ARHGAP6: variants seen among roughly 807,000 people sequenced by gnomAD.
The protein encoded by ARHGAP6 is rho GTPase-activating protein 6.
In ARHGAP6, 16 loss-of-function variants were observed where a neutral mutation model predicts 55.7. The observed-to-expected ratio is 0.29, with a 90% confidence interval of 0.19 to 0.44. The LOEUF (loss-of-function observed/expected upper bound fraction) is 0.44, where lower values mean the gene tolerates loss of function less well. ARHGAP6 is among the 20% of genes least tolerant of loss of function. The pLI is 1.00. For missense variants in ARHGAP6, 698 were observed against 808.9 expected (o/e 0.86, Z 1.66); for synonymous variants, 382 against 360.9 (o/e 1.06, Z -0.66).
rs191416881 is a variant in ARHGAP6 at position 11,382,561 on chromosome X, C to G, written c.589-127854G>C. Among the ~76,000 whole-genome samples the G allele has an allele frequency of 7.2e-5, 8 of 111,703 alleles. No homozygotes were observed. The East Asian group carries it at 1.4e-3, about 19-fold the overall frequency. On this transcript the variant is annotated intron_variant, in intron 1 of 12. Coordinates refer to ENST00000337414, the MANE Select transcript of ARHGAP6 (RefSeq NM_013427.3). ...CAGAATTTTTTCTTATTACAATCCACTCTTTATAATTTTGTCTATCGTTGC... is the reference window on the plus strand; with the variant it reads ...CAGAATTTTTTCTTATTACAATCCAGTCTTTATAATTTTGTCTATCGTTGC...
chrX:11,182,572 T>G (rs2046327706), intron 5 of ARHGAP6, among the ~76,000 whole-genome samples: 1 of 110,727 alleles, frequency 9.0e-6, no homozygotes, highest in African/African-American at 3.3e-5. Context: ...TAGAAATACC[T>G]GATGCAGAAA....
intron 2 of ARHGAP6, among the ~76,000 whole-genome samples, chrX:11,211,735 G>T (rs943214808): frequency 1.8e-5 from 2 of 109,849 alleles, no homozygotes; most frequent in Non-Finnish European, 3.8e-5. Context: ...GTAGATAGCA[G>T]GTTTCACCAT....
intron 1 of ARHGAP6, among the ~76,000 whole-genome samples, chrX:11,276,786 T>C (rs1162648872): frequency 8.9e-6 from 1 of 112,536 alleles, no homozygotes; most frequent in Non-Finnish European, 1.9e-5. Flanking sequence ...ACTTTTGCTC[T>C]GATGTATAGA....
At chrX:11,540,779 C>T (rs1348281468) in intron 1 of ARHGAP6, among the ~76,000 whole-genome samples, 2 of 112,539 alleles carry the variant, frequency 1.8e-5, no homozygotes, top group East Asian at 2.8e-4. Context: ...AATCATAGGG[C>T]GTTGGAAGTA....
At chrX:11,552,597 T>G (rs866327109) in intron 1 of ARHGAP6, among the ~76,000 whole-genome samples, 797 of 59,696 alleles carry the variant, frequency 0.013, 5 homozygotes, top group Middle Eastern at 0.023. Flanking sequence ...TATATATATA[T>G]ATAGACACAC....
chrX:11,661,135 T>C (rs2052698733), intron 1 of ARHGAP6, among the ~76,000 whole-genome samples: 1 of 112,621 alleles, frequency 8.9e-6, no homozygotes. Context: ...CCAGGTTAGC[T>C]ATGGACATAA....
intron 1 of ARHGAP6, among the ~76,000 whole-genome samples, chrX:11,321,164 T>C (rs1425225862): frequency 8.9e-6 from 1 of 112,184 alleles, no homozygotes; most frequent in East Asian, 2.8e-4. Flanking sequence ...GTAAGCGGTG[T>C]TTTTAATGTT....
intron 10 of ARHGAP6, among the ~76,000 whole-genome samples, chrX:11,145,927 A>T (rs140822210): frequency 0.023 from 2,576 of 111,690 alleles, 72 homozygotes; most frequent in African/African-American, 0.08. Flanking sequence ...ATGTTTGGGA[A>T]CCTCTAATAA....
intron 1 of ARHGAP6, among the ~76,000 whole-genome samples, chrX:11,448,359 A>T (rs1036638377): frequency 1.8e-5 from 2 of 111,393 alleles, no homozygotes; most frequent in Admixed American, 9.6e-5. Context: ...CTCCTTCCTC[A>T]AGTTGGATGG....
chrX:11,298,551 C>G, intron 1 of ARHGAP6: 1 of 1,211,384 alleles, frequency 8.3e-7, no homozygotes, highest in Non-Finnish European at 1.1e-6. Context: ...TCACCAGTAC[C>G]CTTCCTATGG....
At chrX:11,622,723 G>A (rs1335621754) in intron 1 of ARHGAP6, among the ~76,000 whole-genome samples, 6 of 111,303 alleles carry the variant, frequency 5.4e-5, no homozygotes, top group Admixed American at 9.5e-5. Context: ...TCTTTAAGCT[G>A]TACTATTTAG....
At chrX:11,645,084 C>T (rs1180496988) in intron 1 of ARHGAP6, among the ~76,000 whole-genome samples, 1 of 111,607 alleles carries the variant, frequency 9.0e-6, no homozygotes, top group African/African-American at 3.2e-5. Context: ...AAGCCAGTCT[C>T]AAAAGGCTAA....
intron 1 of ARHGAP6, among the ~76,000 whole-genome samples, chrX:11,649,299 C>T (rs754910408): frequency 1.8e-5 from 2 of 111,856 alleles, no homozygotes. Flanking sequence ...GCCAAGTGAG[C>T]GAGCCCAGCC....
At chrX:11,351,014 C>G (rs754630056) in intron 1 of ARHGAP6, among the ~76,000 whole-genome samples, 161 of 107,283 alleles carry the variant, frequency 1.5e-3, no homozygotes, top group Middle Eastern at 4.7e-3. Context: ...CTTGGGGTAA[C>G]AAACACCCCC....
chrX:11,464,535 AC>A (rs920217791), intron 1 of ARHGAP6, among the ~76,000 whole-genome samples: 1 of 112,510 alleles, frequency 8.9e-6, no homozygotes, highest in African/African-American at 3.2e-5. Context: ...ATAAAGATTA[AC>A]AAACCTTGGC....
chrX:11,371,712 T>A (rs780950108), intron 1 of ARHGAP6, among the ~76,000 whole-genome samples: 2 of 112,245 alleles, frequency 1.8e-5, no homozygotes, highest in East Asian at 5.6e-4. Context: ...TATTGGAAAC[T>A]TAATGAAAAA....
In ARHGAP6 at chrX:11,357,524, G is replaced by T. The variant is rs1035195809; in HGVS notation, c.589-102817C>A. On this transcript the variant is annotated intron_variant, in intron 1 of 12. Coordinates refer to ENST00000337414, the MANE Select transcript of ARHGAP6 (RefSeq NM_013427.3). Reference sequence around the variant, plus strand: ...TTATGATTTGGCTCATGGCTTTATTGTTCTCCAAATTTTATGTGTTTGGGT... The same window carrying T: ...TTATGATTTGGCTCATGGCTTTATTTTTCTCCAAATTTTATGTGTTTGGGT... Among the ~76,000 whole-genome samples the T allele has an allele frequency of 3.0e-4, 34 of 111,517 alleles. 1 individual carries two copies. Among genetic ancestry groups the T allele is most frequent in the Non-Finnish European group, 6.4e-4 (34 of 53,054 alleles).
chrX:11,386,655 G>A (rs945415239), intron 1 of ARHGAP6, among the ~76,000 whole-genome samples: 4 of 111,938 alleles, frequency 3.6e-5, no homozygotes, highest in Non-Finnish European at 7.5e-5. Flanking sequence ...CCAAATACAC[G>A]GGTCTGAAGT....
At chrX:11,298,968 G>C (rs758160581) in intron 1 of ARHGAP6, 1 of 1,209,159 alleles carries the variant, frequency 8.3e-7, no homozygotes, top group East Asian at 3.0e-5. Context: ...CAAGCGGGAG[G>C]AAGTGGTGAG....
Sources: allele counts gnomAD v4.1 joint callset (sites outside exome capture counted in the v4.1 genomes callset), GRCh38; gene constraint gnomAD v4.1.1; transcripts MANE v1.5; gene names NCBI Gene and HGNC (gene_info 2026-07-23, HGNC 2026-07-21).